BCAS1: variants seen among roughly 807,000 people sequenced by gnomAD.
The protein encoded by BCAS1 is brain enriched myelin associated protein 1.
Under a neutral mutation model 65.4 loss-of-function variants are expected in BCAS1, and 46 were observed. The observed-to-expected ratio is 0.70, with a 90% CI of 0.55 to 0.90. BCAS1 has a LOEUF of 0.90. Ranked by LOEUF, BCAS1 falls within the 40% of genes least tolerant of loss-of-function variation. The pLI, the probability that BCAS1 is intolerant of heterozygous loss-of-function variation, is 0.00. For synonymous variants in BCAS1, 298 were observed against 293.5 expected, an observed-to-expected ratio of 1.02 and a Z score of -0.16; for missense variants, 793 against 771.2, an observed-to-expected ratio of 1.03 and a Z score of -0.33.
intron 4 of BCAS1, among the ~76,000 whole-genome samples, chr20:54,018,626 G>A (rs1019736474): frequency 1.3e-5 from 2 of 152,106 alleles, no homozygotes; most frequent in Non-Finnish European, 1.5e-5. Context: ...GTGAGCCACC[G>A]CGCCCAGCCT....
At chr20:53,992,693 A>C (rs1222498175) in intron 6 of BCAS1, 47 bp from the exon 7 acceptor site, 2 of 1,360,710 alleles carry the variant, frequency 1.5e-6, no homozygotes, top group Non-Finnish European at 2.0e-6. Context: ...TTTTTGAACA[A>C]AATTCTTTTT....
chr20:54,005,119 A>G (rs2091152445), intron 4 of BCAS1, among the ~76,000 whole-genome samples: 1 of 152,150 alleles, frequency 6.6e-6, no homozygotes, highest in Non-Finnish European at 1.5e-5. Flanking sequence ...TTGGAGCCTT[A>G]TGGTGGATAA....
intron 4 of BCAS1, among the ~76,000 whole-genome samples, chr20:53,997,419 C>G (rs887455785): frequency 6.6e-6 from 1 of 152,178 alleles, no homozygotes; most frequent in African/African-American, 2.4e-5. Context: ...TCATTCTTTA[C>G]GACTCAGGTG....
intron 3 of BCAS1, among the ~76,000 whole-genome samples, chr20:54,049,553 G>T (rs1193847471): frequency 6.6e-6 from 1 of 151,510 alleles, no homozygotes; most frequent in Non-Finnish European, 1.5e-5. Flanking sequence ...TAAAGAATAA[G>T]TATGAAAATA....
intron 3 of BCAS1, among the ~76,000 whole-genome samples, chr20:54,049,571 CTTTT>C (rs781612789): frequency 7.0e-6 from 1 of 143,584 alleles, no homozygotes. Context: ...ATAGCCTCTA[CTTTT>C]TTTTTTTTTT....
At chr20:54,010,879 A>G (rs1363412839) in intron 4 of BCAS1, among the ~76,000 whole-genome samples, 2 of 152,190 alleles carry the variant, frequency 1.3e-5, no homozygotes, top group Non-Finnish European at 2.9e-5. Flanking sequence ...ATTGGTGGAG[A>G]CATAGACATA....
At chr20:53,978,681 G>A (rs1439089281) in intron 8 of BCAS1, among the ~76,000 whole-genome samples, 1 of 152,176 alleles carries the variant, frequency 6.6e-6, no homozygotes, top group African/African-American at 2.4e-5. Context: ...TTTGCACACT[G>A]GCCTGCAAGT....
chr20:53,979,992 C>T lies in BCAS1; in HGVS notation c.1276-4562G>A, dbSNP rs531972747. 1.1e-4 allele frequency among the ~76,000 whole-genome samples: 17 copies of T among 152,122 alleles called. No individual in the cohort carries two copies. The East Asian group carries it at 3.3e-3, about 29-fold the overall frequency. ...CCAGATGTATGTTTGCTACGGAACC[C>T]CTTATAAACAGACATTTTTAACACT... is the stretch of plus-strand genomic sequence containing the variant. On this transcript the variant is annotated intron_variant, in intron 8 of 12. Transcript: ENST00000688948.
chr20:54,058,653 AG>A lies in BCAS1; in HGVS notation c.65del (p.Thr22IlefsTer9), dbSNP rs2092335326. 6.3e-7 allele frequency: 1 copy of A among 1,596,398 alleles called. No individual in the cohort carries two copies. The highest frequency in any genetic ancestry group is 1.7e-5 in the Admixed American group (1 of 58,644). ...EDQENEPEAE[T>X]YQDNASALNG... ...GTAATGGTTACTACACTACCTGGTA[AG>A]TCTCTGCTTCTGGTTCATTCTCTTG... is the stretch of plus-strand genomic sequence containing the variant. On this transcript the variant is annotated frameshift_variant, in exon 2 of 13. Coordinates refer to ENST00000688948, the MANE Select transcript of BCAS1 (RefSeq NM_001366298.2). LOFTEE classifies it high-confidence loss of function.
chr20:54,052,479 T>C (rs1176448373), intron 3 of BCAS1, among the ~76,000 whole-genome samples: 1 of 152,334 alleles, frequency 6.6e-6, no homozygotes, highest in East Asian at 1.9e-4. Flanking sequence ...TGCTATAGCC[T>C]GAATGTGTCC....
At position 53,944,759 on chromosome 20, in the gene BCAS1, A is replaced by G. The variant is rs1398567255; in HGVS notation, c.*163T>C. ...AGAAAAGACTGGACCAGAGACGTAAATAATACACCTCAATATACAACAGCT... is the reference window on the plus strand; with the variant it reads ...AGAAAAGACTGGACCAGAGACGTAAGTAATACACCTCAATATACAACAGCT... On this transcript the variant is annotated 3_prime_UTR_variant, in exon 13 of 13. Transcript: ENST00000688948. The G allele has an allele frequency of 2.8e-6, 2 of 712,236 alleles. No individual in the cohort carries two copies. The highest frequency in any genetic ancestry group is 3.5e-5 in the African/African-American group (2 of 57,134). 44.1% of individuals were successfully genotyped at this position (712,236 alleles called of 1,614,324 possible).
At position 54,058,150 on chromosome 20, in the gene BCAS1, T is replaced by C; in HGVS notation, c.77A>G (p.Asn26Ser). ...NEPEAETYQD[N>S]ASALNGVPVV... ...TGGAACCCCGTTCAGAGCAGACGCG[T>C]TGTCCTGAAACAGAGCACGTGGCAT... is the stretch of plus-strand genomic sequence containing the variant. The change falls in exon 3 of 13, where the codon AAC (asparagine) becomes AGC (serine). Residue 26 changes from asparagine to serine, a missense_variant. By Grantham distance (46) the Asn-to-Ser change is conservative. Transcript: ENST00000688948. The C allele has an allele frequency of 6.2e-7, 1 of 1,614,026 alleles. No individual in the cohort carries two copies. The highest frequency in any genetic ancestry group is 8.5e-7 in the Non-Finnish European group (1 of 1,179,962).
chr20:53,998,830 A>C (rs1389385888), intron 4 of BCAS1, among the ~76,000 whole-genome samples: 1 of 152,074 alleles, frequency 6.6e-6, no homozygotes, highest in South Asian at 2.1e-4. Flanking sequence ...AATATTTTAC[A>C]TTTACAGCAT....
intron 4 of BCAS1, among the ~76,000 whole-genome samples, chr20:54,001,894 G>C (rs1175330655): frequency 6.6e-6 from 1 of 152,138 alleles, no homozygotes; most frequent in Non-Finnish European, 1.5e-5. Context: ...ATCGTGTCTA[G>C]TCTAGGAAGC....
At chr20:53,990,937 G>A (rs191885) in intron 7 of BCAS1, among the ~76,000 whole-genome samples, 10 of 152,280 alleles carry the variant, frequency 6.6e-5, no homozygotes, top group African/African-American at 2.4e-4. Context: ...CCAGAATCCT[G>A]TCTTTTCCCC....
intron 3 of BCAS1, among the ~76,000 whole-genome samples, chr20:54,051,277 A>T (rs1024671637): frequency 3.9e-5 from 6 of 152,338 alleles, no homozygotes; most frequent in African/African-American, 1.4e-4. Context: ...CTCCTTCACA[A>T]TCCACCAAAG....
At chr20:53,964,162 T>A (rs2089965637) in intron 10 of BCAS1, among the ~76,000 whole-genome samples, 1 of 152,180 alleles carries the variant, frequency 6.6e-6, no homozygotes, top group African/African-American at 2.4e-5. Context: ...TTAACCTGAG[T>A]ATGATAAATC....
chr20:54,045,721 T>C (rs2092091570), intron 3 of BCAS1, among the ~76,000 whole-genome samples: 1 of 152,262 alleles, frequency 6.6e-6, no homozygotes, highest in African/African-American at 2.4e-5. Flanking sequence ...ATAAGGCAAC[T>C]GTGTAATTGT....
At chr20:53,995,665 G>T (rs2090888588) in intron 5 of BCAS1, among the ~76,000 whole-genome samples, 1 of 152,070 alleles carries the variant, frequency 6.6e-6, no homozygotes, top group East Asian at 1.9e-4. Flanking sequence ...ACATGATTTG[G>T]GCATCCACTG....
Sources: allele counts gnomAD v4.1 joint callset (sites outside exome capture counted in the v4.1 genomes callset), GRCh38; gene constraint gnomAD v4.1.1; transcripts MANE v1.5; gene names NCBI Gene and HGNC (gene_info 2026-07-23, HGNC 2026-07-21).